Variants in RUNX1T1 observed in about 807,000 individuals in gnomAD.
RUNX1T1 encodes RUNX1 partner transcriptional co-repressor 1.
A neutral mutation model predicts 62.8 loss-of-function variants in RUNX1T1; 4 were observed. The ratio of observed to expected loss-of-function variants is 0.06; its 90% confidence interval spans 0.03 to 0.15. RUNX1T1 has a LOEUF of 0.15. Ranked by LOEUF, RUNX1T1 falls within the 10% of genes least tolerant of loss-of-function variation. RUNX1T1 has a pLI of 1.00. For missense variants in RUNX1T1, 508 were observed against 754.3 expected (o/e 0.67, Z 3.82); for synonymous variants, 291 against 286.0 (o/e 1.02, Z -0.18).
chr8:92,092,169 A>G (rs1442682965), intron 1 of RUNX1T1, among the ~76,000 whole-genome samples: 1 of 152,208 alleles, frequency 6.6e-6, no homozygotes, highest in East Asian at 1.9e-4. Flanking sequence ...CTCTCTGCCC[A>G]TGTTTTATAT....
intron 1 of RUNX1T1, among the ~76,000 whole-genome samples, chr8:92,099,021 T>C (rs1448425981): frequency 2.6e-5 from 4 of 152,216 alleles, no homozygotes; most frequent in Non-Finnish European, 5.9e-5. Flanking sequence ...TAGATAATAA[T>C]AAATAGCTTA....
chr8:92,038,046 C>CTTTCTTTA (rs71563485), intron 1 of RUNX1T1, among the ~76,000 whole-genome samples: 5 of 149,984 alleles, frequency 3.3e-5, no homozygotes, highest in Non-Finnish European at 4.4e-5. Flanking sequence ...CAAAATTCTT[C>CTTTCTTTA]TTTATTTATT....
chr8:91,970,974 A>C (rs1202505361), intron 9 of RUNX1T1, 126 bp from the exon 11 acceptor site: 6 of 683,216 alleles, frequency 8.8e-6, no homozygotes, highest in African/African-American at 5.5e-5. Context: ...CCCTGGGCTC[A>C]AGTTATCCTC....
At chr8:92,092,869 T>A (rs1176705625) in intron 1 of RUNX1T1, among the ~76,000 whole-genome samples, 4 of 152,052 alleles carry the variant, frequency 2.6e-5, no homozygotes, top group African/African-American at 9.7e-5. Flanking sequence ...TATTTTTTTG[T>A]TTTTTTGTTT....
intron 4 of RUNX1T1, among the ~76,000 whole-genome samples, chr8:92,008,393 C>CACAG (rs1162580490): frequency 2.3e-5 from 2 of 88,360 alleles, no homozygotes; most frequent in Non-Finnish European, 5.3e-5. Context: ...CTCTCTCACA[C>CACAG]ACACACACAC....
At chr8:92,068,308 G>C (rs1242370063) in intron 2 of RUNX1T1, among the ~76,000 whole-genome samples, 1 of 152,112 alleles carries the variant, frequency 6.6e-6, no homozygotes, top group Non-Finnish European at 1.5e-5. Flanking sequence ...GAAAACCTTT[G>C]TTTCAATGTC....
chr8:92,095,354 C>G, intron 1 of RUNX1T1: 1 of 1,534,664 alleles, frequency 6.5e-7, no homozygotes, highest in Non-Finnish European at 8.7e-7. Context: ...TACCTTCTGG[C>G]AAAGGAGCGC....
chr8:92,001,776 G>A (rs117460725), intron 5 of RUNX1T1, among the ~76,000 whole-genome samples: 6 of 152,288 alleles, frequency 3.9e-5, no homozygotes, highest in East Asian at 1.9e-4. Context: ...AAATTAGATC[G>A]AAAAGCTGTG....
At chr8:92,031,390 G>A (rs1826202916) in intron 1 of RUNX1T1, among the ~76,000 whole-genome samples, 1 of 152,074 alleles carries the variant, frequency 6.6e-6, no homozygotes, top group Non-Finnish European at 1.5e-5. Context: ...AAGTTAATCT[G>A]AAATAAAAAT....
intron 5 of RUNX1T1, among the ~76,000 whole-genome samples, chr8:91,998,558 A>C (rs1819147555): frequency 6.6e-6 from 1 of 152,348 alleles, no homozygotes; most frequent in East Asian, 1.9e-4. Context: ...CAGACCTTCA[A>C]GGATTGCAAT....
chr8:92,064,798 T>C (rs1277505613), upstream of RUNX1T1, among the ~76,000 whole-genome samples: 3 of 152,190 alleles, frequency 2.0e-5, no homozygotes, highest in Non-Finnish European at 1.5e-5. Context: ...TTAATATCGG[T>C]ACACTGCAAG....
chr8:92,009,522 T>C (rs1486060704), intron 4 of RUNX1T1: 1 of 152,010 alleles, frequency 6.6e-6, no homozygotes, highest in Non-Finnish European at 1.5e-5. Context: ...TCTGGAAGTG[T>C]CCTTGTAAGC....
intron 1 of RUNX1T1, among the ~76,000 whole-genome samples, chr8:92,096,144 C>T (rs538601586): frequency 5.6e-4 from 85 of 152,310 alleles, no homozygotes; most frequent in Non-Finnish European, 1.0e-3. Flanking sequence ...TTTAATGTGT[C>T]CCAGCTGAAG....
downstream of RUNX1T1, chr8:91,956,558 T>C (rs1334485327): frequency 1.4e-5 from 3 of 218,768 alleles, no homozygotes; most frequent in East Asian, 1.3e-4. Context: ...AATCATACTT[T>C]AAAGATTCAC....
chr8:92,065,279 T>C (rs1832708671), upstream of RUNX1T1, among the ~76,000 whole-genome samples: 1 of 152,244 alleles, frequency 6.6e-6, no homozygotes, highest in African/African-American at 2.4e-5. Context: ...AATGCATTTA[T>C]GCAAGTGAAT....
At chr8:91,996,577 T>C (rs956587238) in intron 5 of RUNX1T1, among the ~76,000 whole-genome samples, 1 of 152,154 alleles carries the variant, frequency 6.6e-6, no homozygotes, top group Non-Finnish European at 1.5e-5. Flanking sequence ...ATCTAACCAC[T>C]TCAACATTTA....
upstream of RUNX1T1, among the ~76,000 whole-genome samples, chr8:92,064,751 G>A (rs1250175884): frequency 6.6e-6 from 1 of 152,122 alleles, no homozygotes. Context: ...ATACACTTTT[G>A]AGAAAACTGG....
At chr8:91,970,193 T>G (rs867187479) in intron 10 of RUNX1T1, among the ~76,000 whole-genome samples, 1 of 152,304 alleles carries the variant, frequency 6.6e-6, no homozygotes, top group South Asian at 2.1e-4. Flanking sequence ...CTTAGAAATA[T>G]TCAGTTGATG....
rs539059726 is a variant in RUNX1T1, at chr8:91,997,150, A to G, written c.660-5261T>C. Reference sequence around the variant, plus strand: ...TCAAGGAAAAAATAAAAATAAATAAAAACAAAAACTCTACATGAAATATTT... The same window carrying G: ...TCAAGGAAAAAATAAAAATAAATAAGAACAAAAACTCTACATGAAATATTT... On this transcript the variant is annotated intron_variant, in intron 5 of 10. Coordinates refer to ENST00000396218, the Ensembl canonical transcript of RUNX1T1. 2.0e-5 allele frequency among the ~76,000 whole-genome samples: 3 copies of G among 152,194 alleles called. No homozygotes were observed. In the South Asian group the frequency reaches 6.2e-4, roughly 32 times the overall value.
Sources: gnomAD v4.1 joint callset for allele counts (sites outside exome capture counted in the v4.1 genomes callset) on GRCh38, gnomAD v4.1.1 for gene constraint, MANE v1.5 for transcripts, NCBI Gene and HGNC (gene_info 2026-07-23, HGNC 2026-07-21) for gene names.